AEBP2: variants seen among roughly 807,000 people sequenced by gnomAD.
AEBP2 encodes AE binding protein 2.
A neutral mutation model predicts 50.8 loss-of-function variants in AEBP2; 10 were observed. That is an observed-to-expected ratio of 0.20 (90% CI 0.12 to 0.33). The LOEUF is 0.33. Ranked by LOEUF, AEBP2 falls within the 10% of genes least tolerant of loss-of-function variation. The pLI, the probability that AEBP2 is intolerant of heterozygous loss-of-function variation, is 1.00. For missense variants in AEBP2, 570 were observed against 688.0 expected (o/e 0.83, Z 1.92); for synonymous variants, 296 against 261.3 (o/e 1.13, Z -1.28).
At chr12:19,505,356 T>C (rs112448726) in intron 5 of AEBP2, among the ~76,000 whole-genome samples, 7 of 152,350 alleles carry the variant, frequency 4.6e-5, no homozygotes, top group African/African-American at 1.7e-4. Flanking sequence ...TCATTAAATA[T>C]TGAGCACCTA....
chr12:19,438,606 C>T (rs370862851), upstream of AEBP2, among the ~76,000 whole-genome samples: 2 of 152,092 alleles, frequency 1.3e-5, no homozygotes, highest in South Asian at 2.1e-4. Flanking sequence ...TTGTTTTGAT[C>T]GGTTGAAATA....
chr12:19,421,359 A>G (rs902522369), intron 1 of AEBP2, among the ~76,000 whole-genome samples: 1 of 151,256 alleles, frequency 6.6e-6, no homozygotes, highest in African/African-American at 2.4e-5. Context: ...AAAAAAAAAA[A>G]AAAAAAAGAA....
At chr12:19,454,634 A>G (rs1226521188) in intron 1 of AEBP2, among the ~76,000 whole-genome samples, 1 of 152,082 alleles carries the variant, frequency 6.6e-6, no homozygotes, top group African/African-American at 2.4e-5. Context: ...CAGGTTATAT[A>G]CTCTAAATCC....
At chr12:19,410,931 A>T (rs1053184667) in intron 1 of AEBP2, among the ~76,000 whole-genome samples, 6 of 152,174 alleles carry the variant, frequency 3.9e-5, no homozygotes, top group African/African-American at 1.4e-4. Context: ...AGGTGCTAAA[A>T]TGCGTAATTG....
intron 1 of AEBP2, chr12:19,413,380 A>T: frequency 9.6e-7 from 1 of 1,042,372 alleles, no homozygotes; most frequent in Non-Finnish European, 1.5e-6. Context: ...TTAAAAAGTA[A>T]GCCAACAAAC....
rs1358801708 is a variant in AEBP2, at chr12:19,519,333, T to C, written c.*1216T>C. 6.6e-6 allele frequency: 1 copy of C among 152,602 alleles called. No individual in the cohort carries two copies. Among genetic ancestry groups the C allele is most frequent in the Non-Finnish European group, 1.5e-5 (1 of 67,992 alleles). 9.5% of individuals were successfully genotyped at this position (152,602 alleles called of 1,614,324 possible). ...ATTGAAGGATATTGTACTTCACTAG[T>C]GCTGCCAGAGGAATTGTTAATAAAA... On this transcript the variant is annotated 3_prime_UTR_variant, in exon 8 of 8. Transcript: ENST00000266508.
chr12:19,485,646 C>CT (rs1392410875), intron 3 of AEBP2, among the ~76,000 whole-genome samples: 1 of 146,616 alleles, frequency 6.8e-6, no homozygotes, highest in Non-Finnish European at 1.5e-5. Context: ...GTGTTTGGGG[C>CT]TGCAGTGAGC....
intron 1 of AEBP2, among the ~76,000 whole-genome samples, chr12:19,421,344 C>T (rs1341139094): frequency 1.2e-5 from 1 of 82,456 alleles, no homozygotes. Context: ...GACTCTGTCT[C>T]AAAAAAAAAA....
chr12:19,496,359 A>G (rs1171668681), intron 4 of AEBP2, among the ~76,000 whole-genome samples: 1 of 152,136 alleles, frequency 6.6e-6, no homozygotes, highest in Non-Finnish European at 1.5e-5. Context: ...CATCTGTTTT[A>G]TTGAGGAGAA....
intron 5 of AEBP2, among the ~76,000 whole-genome samples, chr12:19,505,104 A>G (rs1949136099): frequency 6.6e-6 from 1 of 152,226 alleles, no homozygotes; most frequent in Admixed American, 6.5e-5. Context: ...TGGAGACCAG[A>G]AAGAGTTAAT....
intron 5 of AEBP2, among the ~76,000 whole-genome samples, chr12:19,504,427 A>G (rs183649619): frequency 6.6e-5 from 10 of 151,106 alleles, no homozygotes; most frequent in African/African-American, 2.2e-4. Flanking sequence ...TTTTTAGTAG[A>G]GACGGGATTT....
chr12:19,455,128 G>A lies in AEBP2; in HGVS notation c.672-7382G>A, dbSNP rs149465526. 5.3e-5 allele frequency among the ~76,000 whole-genome samples: 8 copies of A among 151,714 alleles called. No homozygotes were observed. In the South Asian group the frequency reaches 1.7e-3, roughly 32 times the overall value. On this transcript the variant is annotated intron_variant, in intron 1 of 7. Coordinates refer to ENST00000266508, the MANE Select transcript of AEBP2 (RefSeq NM_153207.5). ...CTCACCTTAGCCTCCTGTGTAGCTG[G>A]GATTACAGGCACATACCAACATGCC...
Position 19,440,181 on chromosome 12 carries a change from C to T in AEBP2, c.482C>T (p.Pro161Leu), listed in dbSNP as rs776948418. 4.8e-6 allele frequency: 7 copies of T among 1,467,428 alleles called. No individual in the cohort carries two copies. The highest frequency in any genetic ancestry group is 6.2e-6 in the Non-Finnish European group (7 of 1,121,160). 90.9% of individuals were successfully genotyped at this position (1,467,428 alleles called of 1,614,324 possible). The change falls in exon 1 of 8, where the codon CCC (proline) becomes CTC (leucine). Residue 161 changes from proline (P) to leucine (L), a missense_variant. By Grantham distance (98) the Pro-to-Leu change is moderately conservative. Transcript: ENST00000266508. ...GACGGCAAGGAGGGCCTGGAGGAGC[C>T]CAAGGGACCGCGGGGCAGCCAGGGC... ...DGDGKEGLEE[P>L]KGPRGSQGGG...
upstream of AEBP2, among the ~76,000 whole-genome samples, chr12:19,437,374 G>C (rs1405966801): frequency 6.6e-6 from 1 of 152,118 alleles, no homozygotes; most frequent in Admixed American, 6.6e-5. Context: ...CCTGTCTTTT[G>C]TTGTAGAAGT....
chr12:19,501,973 G>A (rs563163904), intron 5 of AEBP2, among the ~76,000 whole-genome samples: 2 of 151,856 alleles, frequency 1.3e-5, no homozygotes, highest in Non-Finnish European at 1.5e-5. Context: ...AACTATTTAC[G>A]TAGTATCGAC....
At chr12:19,404,930 C>CTTTTTTTT (rs34351225) in intron 1 of AEBP2, among the ~76,000 whole-genome samples, 1 of 95,714 alleles carries the variant, frequency 1.0e-5, no homozygotes, top group Non-Finnish European at 2.0e-5. Flanking sequence ...CTTGGCTACT[C>CTTTTTTTT]TTTTTTTTTT....
chr12:19,426,588 G>A (rs745719472), intron 1 of AEBP2, among the ~76,000 whole-genome samples: 2 of 152,124 alleles, frequency 1.3e-5, no homozygotes, highest in Non-Finnish European at 2.9e-5. Flanking sequence ...AATGGACTAA[G>A]GGGTGCCCAG....
chr12:19,462,866 C>A, intron 2 of AEBP2, 149 bp downstream of exon 2: 1 of 725,456 alleles, frequency 1.4e-6, no homozygotes, highest in Non-Finnish European at 2.2e-6. Flanking sequence ...AATTATTTCC[C>A]ATATACTTGA....
chr12:19,430,902 AGT>A (rs1275946073), intron 1 of AEBP2, among the ~76,000 whole-genome samples: 1 of 151,690 alleles, frequency 6.6e-6, no homozygotes, highest in East Asian at 1.9e-4. Context: ...GCATTCCTGT[AGT>A]TACAGCTACT....
Sources: allele counts gnomAD v4.1 joint callset (sites outside exome capture counted in the v4.1 genomes callset), GRCh38; gene constraint gnomAD v4.1.1; transcripts MANE v1.5; gene names NCBI Gene and HGNC (gene_info 2026-07-23, HGNC 2026-07-21).